LMAN2L: variants seen among roughly 807,000 people sequenced by gnomAD.
LMAN2L encodes the protein lectin, mannose binding 2 like.
In LMAN2L, 30 loss-of-function variants were observed where a neutral mutation model predicts 44.3. That is an observed-to-expected ratio of 0.68 (90% CI 0.51 to 0.92). The LOEUF (loss-of-function observed/expected upper bound fraction) is 0.92. Ranked by LOEUF, LMAN2L falls within the 40% of genes least tolerant of loss-of-function variation. The pLI, the probability that LMAN2L is intolerant of heterozygous loss-of-function variation, is 0.00. For missense variants in LMAN2L, 429 were observed against 446.1 expected, an observed-to-expected ratio of 0.96 and a Z score of 0.35; for synonymous variants, 183 against 171.1, an observed-to-expected ratio of 1.07 and a Z score of -0.54.
chr2:96,724,499 AT>A (rs1317733460), intron 4 of LMAN2L, among the ~76,000 whole-genome samples: 1 of 151,900 alleles, frequency 6.6e-6, no homozygotes, highest in Admixed American at 6.6e-5. Context: ...TCCTCCAATA[AT>A]TTTTTTTACT....
rs192825170 is a variant in LMAN2L, at chr2:96,734,683, A to C, written c.307-157T>G. The C allele has an allele frequency of 2.7e-4, 164 of 611,042 alleles. No homozygotes were observed. The East Asian group carries it at 4.2e-3, about 16-fold the overall frequency. 37.9% of individuals were successfully genotyped at this position (611,042 alleles called of 1,614,324 possible). A position where few individuals can be genotyped will look rare whatever the true frequency, so the allele number is the denominator to read the frequency against. On this transcript the variant is annotated intron_variant, in intron 2 of 7. Transcript: ENST00000264963. ...AAGACTTGCTATGTGTTCATGTCAT[A>C]AAATTAAACGGATTGAACCATTCAA...
intron 4 of LMAN2L, among the ~76,000 whole-genome samples, chr2:96,721,192 G>C (rs183613547): frequency 5.3e-4 from 80 of 152,138 alleles, no homozygotes; most frequent in African/African-American, 1.9e-3. Flanking sequence ...CTACAGATTT[G>C]CCTATTCTGG....
chr2:96,713,921 C>G (rs1189643620), intron 4 of LMAN2L, among the ~76,000 whole-genome samples: 3 of 152,208 alleles, frequency 2.0e-5, no homozygotes, highest in African/African-American at 7.2e-5. Flanking sequence ...AAGCTCAGCT[C>G]AGCTCTGCCC....
chr2:96,715,396 G>A (rs1362417980), intron 4 of LMAN2L, among the ~76,000 whole-genome samples: 2 of 152,204 alleles, frequency 1.3e-5, no homozygotes, highest in African/African-American at 4.8e-5. Context: ...TCACATTAGT[G>A]TAAGTCACTA....
intron 4 of LMAN2L, among the ~76,000 whole-genome samples, chr2:96,721,694 G>C (rs1558954861): frequency 6.6e-6 from 1 of 151,920 alleles, no homozygotes; most frequent in Non-Finnish European, 1.5e-5. Flanking sequence ...TGCCCAAGCT[G>C]ATCTAAAACT....
chr2:96,733,421 T>C (rs1021246958), intron 4 of LMAN2L, 98 bp downstream of exon 4: 22 of 857,394 alleles, frequency 2.6e-5, no homozygotes, highest in Non-Finnish European at 4.1e-5. Flanking sequence ...GAAGAACCCC[T>C]CACTTTCTAT....
chr2:96,736,238 C>T (rs1051915671), intron 2 of LMAN2L, among the ~76,000 whole-genome samples: 24 of 152,170 alleles, frequency 1.6e-4, no homozygotes, highest in African/African-American at 4.8e-4. Context: ...GATTCACCTA[C>T]GGAGTTTTAA....
chr2:96,722,535 C>T (rs1436212926), intron 4 of LMAN2L, among the ~76,000 whole-genome samples: 1 of 152,150 alleles, frequency 6.6e-6, no homozygotes, highest in Non-Finnish European at 1.5e-5. Flanking sequence ...AGGCGGAGCT[C>T]AGGCAGTAAT....
intron 4 of LMAN2L, among the ~76,000 whole-genome samples, chr2:96,714,951 T>C (rs562311460): frequency 6.6e-6 from 1 of 152,232 alleles, no homozygotes; most frequent in East Asian, 1.9e-4. Flanking sequence ...TTTTGTTTGT[T>C]TTTTTGAGAT....
intron 4 of LMAN2L, among the ~76,000 whole-genome samples, chr2:96,722,754 C>G (rs2153327704): frequency 6.6e-6 from 1 of 152,308 alleles, no homozygotes; most frequent in Non-Finnish European, 1.5e-5. Flanking sequence ...GGTGCAGTGG[C>G]TCATGCCTAT....
chr2:96,709,243 C>T (rs558166264), intron 6 of LMAN2L, among the ~76,000 whole-genome samples: 1 of 152,212 alleles, frequency 6.6e-6, no homozygotes, highest in Admixed American at 6.5e-5. Context: ...CTTATTGATG[C>T]TCAACTCACC....
intron 6 of LMAN2L, among the ~76,000 whole-genome samples, chr2:96,711,285 G>T (rs1191585925): frequency 6.6e-6 from 1 of 152,182 alleles, no homozygotes; most frequent in Non-Finnish European, 1.5e-5. Flanking sequence ...TCAGAAGAGG[G>T]ACGGCAAAGT....
chr2:96,718,981 G>GT (rs2078096209), intron 4 of LMAN2L, among the ~76,000 whole-genome samples: 1 of 152,130 alleles, frequency 6.6e-6, no homozygotes, highest in African/African-American at 2.4e-5. Flanking sequence ...CTCAAATCAA[G>GT]TAATTTGAGG....
intron 4 of LMAN2L, among the ~76,000 whole-genome samples, chr2:96,730,097 C>G (rs2078361759): frequency 6.6e-6 from 1 of 152,104 alleles, no homozygotes; most frequent in African/African-American, 2.4e-5. Context: ...TCTACAAAAT[C>G]CTTACAAAAT....
chr2:96,721,394 G>A (rs1386381894), intron 4 of LMAN2L, among the ~76,000 whole-genome samples: 3 of 138,190 alleles, frequency 2.2e-5, no homozygotes, highest in South Asian at 2.3e-4. Flanking sequence ...GTGCAGTGGT[G>A]TGATCAAGGC....
chr2:96,731,517 G>A (rs1432629269), intron 4 of LMAN2L, among the ~76,000 whole-genome samples: 1 of 151,926 alleles, frequency 6.6e-6, no homozygotes, highest in Non-Finnish European at 1.5e-5. Flanking sequence ...GTGGTGGCGT[G>A]TGCCTATAAT....
intron 4 of LMAN2L, among the ~76,000 whole-genome samples, chr2:96,719,505 T>C (rs2078106154): frequency 6.6e-6 from 1 of 151,722 alleles, no homozygotes; most frequent in Non-Finnish European, 1.5e-5. Context: ...TCCTAGCACT[T>C]CGGGAGGCCA....
At chr2:96,735,205 C>A (rs1160435538) in intron 2 of LMAN2L, among the ~76,000 whole-genome samples, 1 of 152,086 alleles carries the variant, frequency 6.6e-6, no homozygotes, top group African/African-American at 2.4e-5. Flanking sequence ...AATAGTTGAA[C>A]GGTTTCAAGA....
At chr2:96,721,738 C>G (rs552482559) in intron 4 of LMAN2L, among the ~76,000 whole-genome samples, 46 of 152,208 alleles carry the variant, frequency 3.0e-4, no homozygotes, top group Non-Finnish European at 2.2e-4. Context: ...CCTTGGCCTC[C>G]CAAAGTGTTG....
Sources: gnomAD v4.1 joint callset for allele counts (sites outside exome capture counted in the v4.1 genomes callset) on GRCh38, gnomAD v4.1.1 for gene constraint, MANE v1.5 for transcripts, NCBI Gene and HGNC (gene_info 2026-07-23, HGNC 2026-07-21) for gene names.